Variants in SPEF2 observed in about 807,000 individuals in gnomAD.
The protein encoded by SPEF2 is sperm flagellar and cilia associated 2.
In SPEF2, 187 loss-of-function variants were observed where a neutral mutation model predicts 224.6. The observed-to-expected ratio is 0.83, with a 90% CI of 0.74 to 0.94. The LOEUF is 0.94. SPEF2 is among the 40% of genes least tolerant of loss of function. The probability of loss-of-function intolerance (pLI) is 0.00; values close to 1 mark genes in which losing one functional copy is unlikely to be tolerated. For synonymous variants in SPEF2, 715 were observed against 707.3 expected, an observed-to-expected ratio of 1.01 and a Z score of -0.17; for missense variants, 2,170 against 2,135.6, an observed-to-expected ratio of 1.02 and a Z score of -0.32.
At chr5:35,701,920 A>T (rs1031057135) in intron 16 of SPEF2, among the ~76,000 whole-genome samples, 1 of 152,164 alleles carries the variant, frequency 6.6e-6, no homozygotes, top group Admixed American at 6.5e-5. Flanking sequence ...TCAAGGCTGC[A>T]GTGAGTCATG....
At chr5:35,794,262 A>C (rs1193570936) in intron 32 of SPEF2, among the ~76,000 whole-genome samples, 1 of 152,248 alleles carries the variant, frequency 6.6e-6, no homozygotes, top group Non-Finnish European at 1.5e-5. Flanking sequence ...TTGCTGGTAG[A>C]CATGAAATAG....
intron 1 of SPEF2, among the ~76,000 whole-genome samples, chr5:35,623,078 C>T (rs1251052959): frequency 6.6e-6 from 1 of 152,186 alleles, no homozygotes; most frequent in East Asian, 1.9e-4. Context: ...CAAGGGAGAA[C>T]ATGAACCATG....
chr5:35,646,081 G>T (rs1353806233), intron 4 of SPEF2, among the ~76,000 whole-genome samples: 2 of 151,812 alleles, frequency 1.3e-5, no homozygotes, highest in African/African-American at 2.4e-5. Context: ...ACATTCTCCT[G>T]CTTATAGTCT....
In SPEF2 at chr5:35,624,295, T is replaced by C. The variant is rs542746229; in HGVS notation, c.59-4165T>C. Among the ~76,000 whole-genome samples, 8 of 152,328 alleles carry C rather than the reference T, an allele frequency of 5.3e-5. No individual in the cohort carries two copies. In the South Asian group the frequency reaches 1.7e-3, roughly 32 times the overall value. ...GAGGCAGGGTTGAGTTGCTGCTAAA[T>C]AATTTTAATCCCAGATGTAAGTAAT... On this transcript the variant is annotated intron_variant, in intron 1 of 36. Transcript: ENST00000356031.
chr5:35,768,711 T>C (rs2149774888), intron 26 of SPEF2, among the ~76,000 whole-genome samples: 1 of 152,316 alleles, frequency 6.6e-6, no homozygotes, highest in African/African-American at 2.4e-5. Flanking sequence ...GACTGCTTAG[T>C]AATAATATTA....
At chr5:35,792,513 T>C in intron 31 of SPEF2, 67 bp downstream of exon 31, 3 of 1,291,730 alleles carry the variant, frequency 2.3e-6, no homozygotes, top group Non-Finnish European at 3.3e-6. Context: ...CATCAATAGT[T>C]CTAAAATAAT....
intron 23 of SPEF2, among the ~76,000 whole-genome samples, chr5:35,751,510 G>A (rs1016366868): frequency 2.0e-5 from 3 of 151,710 alleles, no homozygotes; most frequent in Non-Finnish European, 4.4e-5. Context: ...ATAAATATTT[G>A]ATAAGCACAA....
chr5:35,681,615 A>C (rs1752814212), intron 10 of SPEF2, among the ~76,000 whole-genome samples: 1 of 152,250 alleles, frequency 6.6e-6, no homozygotes. Context: ...TTATTTTAAA[A>C]AAGGACAAAA....
At chr5:35,807,044 C>T (rs1758158276) in intron 35 of SPEF2, 87 bp from the exon 36 acceptor site, 1 of 1,559,780 alleles carries the variant, frequency 6.4e-7, no homozygotes, top group Admixed American at 2.1e-5. Context: ...TGAAATTATA[C>T]AGAATCTCTT....
intron 32 of SPEF2, 129 bp from the exon 33 acceptor site, chr5:35,795,573 CT>C: frequency 1.6e-6 from 1 of 631,242 alleles, no homozygotes; most frequent in African/African-American, 1.8e-5. Flanking sequence ...TCCTACACCC[CT>C]GTGGTTTCTG....
chr5:35,705,917 A>T, intron 18 of SPEF2, 109 bp downstream of exon 18: 1 of 648,120 alleles, frequency 1.5e-6, no homozygotes, highest in Non-Finnish European at 2.4e-6. Context: ...TTATCTTTGG[A>T]TTTATACTAT....
At chr5:35,650,456 C>A (rs535201993) in intron 6 of SPEF2, among the ~76,000 whole-genome samples, 1 of 152,246 alleles carries the variant, frequency 6.6e-6, no homozygotes, top group East Asian at 1.9e-4. Flanking sequence ...CATGAAAATA[C>A]CAATTTCTTC....
chr5:35,799,887 T>C (rs1561384525), intron 33 of SPEF2, 81 bp from the exon 34 acceptor site: 1 of 1,495,954 alleles, frequency 6.7e-7, no homozygotes, highest in African/African-American at 1.4e-5. Flanking sequence ...CCAAAGCTCC[T>C]GGGGAGATTC....
chr5:35,664,504 A>G (rs1219943279), intron 8 of SPEF2, among the ~76,000 whole-genome samples: 2 of 152,008 alleles, frequency 1.3e-5, no homozygotes, highest in Admixed American at 6.6e-5. Context: ...ACATGGTGAA[A>G]CCCTGTCTCT....
chr5:35,774,743 T>C (rs1753370986), intron 28 of SPEF2, among the ~76,000 whole-genome samples: 1 of 152,186 alleles, frequency 6.6e-6, no homozygotes, highest in Non-Finnish European at 1.5e-5. Flanking sequence ...CTTTAACTAC[T>C]CAGTGACTAT....
intron 1 of SPEF2, among the ~76,000 whole-genome samples, chr5:35,626,601 A>C (rs1385600885): frequency 1.3e-5 from 2 of 152,320 alleles, no homozygotes; most frequent in East Asian, 1.9e-4. Context: ...TTTCTATTGC[A>C]TATAAAAATT....
At chr5:35,759,839 C>A in intron 25 of SPEF2, 120 bp downstream of exon 25, 2 of 1,010,250 alleles carry the variant, frequency 2.0e-6, no homozygotes, top group Non-Finnish European at 2.7e-6. Context: ...TCCAAAAAAG[C>A]TCTAATAACC....
chr5:35,807,687 G>A (rs1758248001), intron 36 of SPEF2: 3 of 1,535,942 alleles, frequency 2.0e-6, no homozygotes, highest in South Asian at 2.4e-5. Flanking sequence ...AAAAGGTTGG[G>A]CACCACTTCC....
chr5:35,689,156 CTA>C (rs1261358326), intron 10 of SPEF2, among the ~76,000 whole-genome samples: 1 of 152,052 alleles, frequency 6.6e-6, no homozygotes, highest in African/African-American at 2.4e-5. Context: ...AAGTATAGTT[CTA>C]TGACATCTTT....
Sources: gnomAD v4.1 joint callset for allele counts (sites outside exome capture counted in the v4.1 genomes callset) on GRCh38, gnomAD v4.1.1 for gene constraint, MANE v1.5 for transcripts, NCBI Gene and HGNC (gene_info 2026-07-23, HGNC 2026-07-21) for gene names.